The following CAMK2D variants were observed in gnomAD, a reference collection of about 807,000 sequenced individuals.
CAMK2D encodes calcium/calmodulin dependent protein kinase II delta.
CAMK2D carries 37 observed loss-of-function variants against 84.0 expected under a neutral mutation model. That is an observed-to-expected ratio of 0.44 (90% CI 0.34 to 0.58). The LOEUF (loss-of-function observed/expected upper bound fraction) is 0.58, where lower values mean the gene tolerates loss of function less well. CAMK2D is among the 20% of genes least tolerant of loss of function. The probability of loss-of-function intolerance (pLI) is 0.02; values close to 1 mark genes in which losing one functional copy is unlikely to be tolerated. For missense variants in CAMK2D, 448 were observed against 652.5 expected (o/e 0.69, Z 3.41); for synonymous variants, 202 against 212.5 (o/e 0.95, Z 0.43).
At chr4:113,537,146 C>T (rs1259561536) in intron 7 of CAMK2D, among the ~76,000 whole-genome samples, 195 bp downstream of exon 7, 1 of 152,114 alleles carries the variant, frequency 6.6e-6, no homozygotes, top group Non-Finnish European at 1.5e-5. Context: ...AATATTTTCC[C>T]TTGAATTATT....
chr4:113,484,570 T>C (rs1302476171), intron 16 of CAMK2D, among the ~76,000 whole-genome samples: 1 of 152,112 alleles, frequency 6.6e-6, no homozygotes, highest in African/African-American at 2.4e-5. Context: ...TGGTAAAATG[T>C]TTTACAAATA....
chr4:113,691,152 G>C lies in CAMK2D; in HGVS notation c.161-29380C>G, dbSNP rs113723496. On this transcript the variant is annotated intron_variant, in intron 2 of 20. Coordinates refer to ENST00000511664, the MANE Select transcript of CAMK2D (RefSeq NM_001321571.2). Reference sequence around the variant, plus strand: ...CACTGTCACAAAAAAGATACTAAAGGGTAGAACACCCTCCATTAATATTAA... The same window carrying C: ...CACTGTCACAAAAAAGATACTAAAGCGTAGAACACCCTCCATTAATATTAA... Among the ~76,000 whole-genome samples the C allele has an allele frequency of 3.8e-3, 577 of 152,038 alleles. 4 individuals carry two copies. Among genetic ancestry groups the C allele is most frequent in the African/African-American group, 0.013 (553 of 41,466 alleles).
At chr4:113,716,814 G>A (rs1274994745) in intron 2 of CAMK2D, among the ~76,000 whole-genome samples, 4 of 152,118 alleles carry the variant, frequency 2.6e-5, no homozygotes, top group African/African-American at 9.7e-5. Context: ...TGAGCAGAAT[G>A]TTTAGCTTTA....
At chr4:113,649,040 C>T (rs1384181033) in intron 3 of CAMK2D, among the ~76,000 whole-genome samples, 1 of 152,150 alleles carries the variant, frequency 6.6e-6, no homozygotes, top group East Asian at 1.9e-4. Context: ...AACTAGAAAC[C>T]TCAAAGAAAC....
intron 16 of CAMK2D, among the ~76,000 whole-genome samples, chr4:113,486,085 T>A (rs747320191): frequency 5.3e-5 from 8 of 152,094 alleles, no homozygotes; most frequent in Middle Eastern, 3.4e-3. Flanking sequence ...AACTCAATTT[T>A]CAGAAGAAAG....
intron 7 of CAMK2D, 118 bp from the exon 8 acceptor site, chr4:113,531,417 AAC>A: frequency 1.5e-6 from 1 of 670,182 alleles, no homozygotes; most frequent in South Asian, 1.7e-5. Context: ...TTCAAAACAC[AAC>A]AAGGTTCTCA....
chr4:113,654,446 G>A (rs186734308), intron 3 of CAMK2D, among the ~76,000 whole-genome samples: 2 of 151,778 alleles, frequency 1.3e-5, no homozygotes, highest in Non-Finnish European at 1.5e-5. Context: ...TCTATACCAG[G>A]GCTAATATAT....
rs183297709 is a variant in CAMK2D at position 113,461,599 on chromosome 4, G to T, written c.1212-1358C>A. 1.1e-3 allele frequency among the ~76,000 whole-genome samples: 161 copies of T among 152,256 alleles called. 1 individual carries two copies. Among genetic ancestry groups the T allele is most frequent in the African/African-American group, 3.5e-3 (146 of 41,540 alleles). ...TGCAGAGAAGAAAATATTTCCTTTG[G>T]GCCTATGGTGATCAGGGTAGGCTTC... is the stretch of plus-strand genomic sequence containing the variant. On this transcript the variant is annotated intron_variant, in intron 17 of 20. Transcript: ENST00000511664.
In CAMK2D at chr4:113,465,564, G is replaced by T. The variant is rs750608072; in HGVS notation, c.1176C>A (p.Ile392=). The change falls in exon 17 of 21, where the codon ATC becomes ATA. Residue 392 remains isoleucine, a synonymous_variant. Transcript: ENST00000511664. The stretch of plus-strand genomic sequence containing the variant: ...CAAAGTCCCCATTGTTGATAGCTTC[G>T]ATCAGTTGTTCAGTGACTTTGATAA... ...QEIIKVTEQL[I]EAINNGDFEA... is the part of the protein sequence containing the mutation. 17 of 1,612,820 alleles carry T rather than the reference G, an allele frequency of 1.1e-5. No homozygotes were observed. The highest frequency in any genetic ancestry group is 8.5e-6 in the Non-Finnish European group (10 of 1,179,098).
At chr4:113,596,820 ATTT>A (rs34155395) in intron 4 of CAMK2D, among the ~76,000 whole-genome samples, 4 of 142,144 alleles carry the variant, frequency 2.8e-5, no homozygotes, top group Admixed American at 7.0e-5. Flanking sequence ...GGGTCCTAGA[ATTT>A]TTTTTTTTTT....
intron 4 of CAMK2D, among the ~76,000 whole-genome samples, chr4:113,578,282 G>C (rs1002049237): frequency 2.0e-5 from 3 of 151,982 alleles, no homozygotes; most frequent in Non-Finnish European, 4.4e-5. Context: ...TCTAATTCTT[G>C]TTGGCCAGAA....
At chr4:113,661,655 G>C in intron 3 of CAMK2D, 58 bp downstream of exon 3, 1 of 729,608 alleles carries the variant, frequency 1.4e-6, no homozygotes, top group Non-Finnish European at 2.2e-6. Context: ...TTTTTATTGT[G>C]GTAAATAACA....
intron 3 of CAMK2D, 93 bp downstream of exon 3, chr4:113,661,616 TATAA>T: frequency 1.8e-6 from 1 of 559,584 alleles, no homozygotes; most frequent in Non-Finnish European, 3.1e-6. Flanking sequence ...TTTTAAAAGT[TATAA>T]ATATTCTAGA....
intron 13 of CAMK2D, among the ~76,000 whole-genome samples, chr4:113,505,583 C>G (rs1297749178): frequency 6.6e-6 from 1 of 151,780 alleles, no homozygotes; most frequent in Non-Finnish European, 1.5e-5. Flanking sequence ...AAGTGTAGAT[C>G]TCCTCTAAAA....
intron 5 of CAMK2D, 59 bp downstream of exon 5, chr4:113,551,972 G>A: frequency 3.9e-6 from 3 of 777,868 alleles, no homozygotes; most frequent in East Asian, 2.6e-5. Context: ...AAAGAAATAT[G>A]CTGAAAAAGT....
chr4:113,488,060 T>G (rs1472364451), intron 16 of CAMK2D, among the ~76,000 whole-genome samples: 1 of 151,720 alleles, frequency 6.6e-6, no homozygotes, highest in Non-Finnish European at 1.5e-5. Context: ...ATATTTTACA[T>G]CACTTAAAAA....
intron 2 of CAMK2D, among the ~76,000 whole-genome samples, chr4:113,756,081 A>G (rs1311652243): frequency 6.6e-6 from 1 of 152,030 alleles, no homozygotes; most frequent in East Asian, 1.9e-4. Flanking sequence ...ACAAAAGGTA[A>G]GAAATTCTTC....
rs185224237 is a variant in CAMK2D, at chr4:113,705,142, C to G, written c.161-43370G>C. Among the ~76,000 whole-genome samples the G allele has an allele frequency of 2.7e-3, 405 of 150,432 alleles. 3 individuals are homozygous for G. The highest frequency in any genetic ancestry group is 9.6e-3 in the African/African-American group (391 of 40,848). ...ACCATCCTGGCTAACATGGTGAAAC[C>G]CTATCTCTACTACAAATACAAAAAA... On this transcript the variant is annotated intron_variant, in intron 2 of 20. Transcript: ENST00000511664.
At chr4:113,615,442 G>A (rs1480032108) in intron 3 of CAMK2D, among the ~76,000 whole-genome samples, 1 of 152,012 alleles carries the variant, frequency 6.6e-6, no homozygotes, top group African/African-American at 2.4e-5. Flanking sequence ...TTATGACAAA[G>A]CTGCTCACTT....
Sources: gnomAD v4.1 joint callset for allele counts (sites outside exome capture counted in the v4.1 genomes callset) on GRCh38, gnomAD v4.1.1 for gene constraint, MANE v1.5 for transcripts, NCBI Gene and HGNC (gene_info 2026-07-23, HGNC 2026-07-21) for gene names.